Variants in IK observed in about 807,000 individuals in gnomAD.
IK encodes IK cytokine, also known as protein Red.
A neutral mutation model predicts 90.9 loss-of-function variants in IK; 47 were observed. That is an observed-to-expected ratio of 0.52 (90% CI 0.41 to 0.66). The LOEUF (loss-of-function observed/expected upper bound fraction) is 0.66, where lower values mean the gene tolerates loss of function less well. IK is among the 30% of genes least tolerant of loss of function. The pLI, the probability that IK is intolerant of heterozygous loss-of-function variation, is 0.00. For synonymous variants in IK, 201 were observed against 227.5 expected (o/e 0.88, Z 1.05); for missense variants, 385 against 709.3 (o/e 0.54, Z 5.19).
chr5:140,647,991 T>A, intron 1 of IK, 67 bp downstream of exon 1: 2 of 1,495,206 alleles, frequency 1.3e-6, no homozygotes, highest in African/African-American at 1.4e-5. Flanking sequence ...TTATTGTAGC[T>A]TCTGAGCTTA....
chr5:140,656,024 G>A (rs1464077088), intron 9 of IK, 32 bp downstream of exon 9: 2 of 1,548,528 alleles, frequency 1.3e-6, no homozygotes, highest in Non-Finnish European at 1.7e-6. Context: ...AGCCTATCAT[G>A]TGAGCCTCAA....
At chr5:140,656,120 C>G (rs1286686590) in intron 9 of IK, 128 bp downstream of exon 9, 6 of 780,768 alleles carry the variant, frequency 7.7e-6, no homozygotes, top group Non-Finnish European at 1.2e-5. Flanking sequence ...TAAATCTCAA[C>G]TGAATCCATT....
At position 140,654,135 on chromosome 5, in the gene IK, C is replaced by G. The variant is rs1757666710; in HGVS notation, c.519+83C>G. 4.1e-5 allele frequency: 32 copies of G among 783,200 alleles called. No homozygotes were observed. In the Admixed American group the frequency reaches 4.8e-4, roughly 12 times the overall value. 48.5% of individuals were successfully genotyped at this position (783,200 alleles called of 1,614,324 possible). A position where few individuals can be genotyped will look rare whatever the true frequency, so the allele number is the denominator to read the frequency against. On this transcript the variant is annotated intron_variant, in intron 6 of 19. Coordinates refer to ENST00000417647, the MANE Select transcript of IK (RefSeq NM_006083.4). ...GTCTGGCAAGATGAGGAGGGAGATT[C>G]CTGAGAGTTCAGACTGAGTAGAAGA... is the stretch of plus-strand genomic sequence containing the variant.
chr5:140,652,328 A>T (rs1757627507), intron 4 of IK, among the ~76,000 whole-genome samples, 181 bp downstream of exon 4: 1 of 151,996 alleles, frequency 6.6e-6, no homozygotes, highest in Non-Finnish European at 1.5e-5. Flanking sequence ...CTATATTTTA[A>T]TCTCATCTTC....
At position 140,661,070 on chromosome 5, in the gene IK, T is replaced by G; in HGVS notation, c.1413+255T>G. On this transcript the variant is annotated intron_variant, in intron 16 of 19. Coordinates refer to ENST00000417647, the MANE Select transcript of IK (RefSeq NM_006083.4). The surrounding 1 kb of genome is among the most constrained non-coding windows in gnomAD (Gnocchi z 4.2). ...AAGTGCCAGGCTTTGATTCCCATGG[T>G]AGGCAGTAAGCAAGCATCAATGCAT... 1 of 426,574 alleles carries G rather than the reference T, an allele frequency of 2.3e-6. No individual in the cohort carries two copies. Among genetic ancestry groups the G allele is most frequent in the Non-Finnish European group, 4.1e-6 (1 of 242,390 alleles). The allele number at this position is 426,574 out of a possible 1,614,324, so 26.4% of individuals were successfully genotyped here.
chr5:140,661,349 T>C lies in IK; in HGVS notation c.1414-271T>C. The C allele has an allele frequency of 2.4e-6, 1 of 422,676 alleles. No individual in the cohort carries two copies. The highest frequency in any genetic ancestry group is 2.8e-5 in the South Asian group (1 of 36,342). 26.2% of individuals were successfully genotyped at this position (422,676 alleles called of 1,614,324 possible). A position where few individuals can be genotyped will look rare whatever the true frequency, so the allele number is the denominator to read the frequency against. On this transcript the variant is annotated intron_variant, in intron 16 of 19. Transcript: ENST00000417647. This position sits in a 1 kb window ranked among gnomAD's most constrained non-coding sequence, Gnocchi z 4.2. ...GAACTTGCCAAGTTCTTTCACTGTTTATGCCTCAGTTTCCTCATCAGGAAA... is the reference window on the plus strand; with the variant it reads ...GAACTTGCCAAGTTCTTTCACTGTTCATGCCTCAGTTTCCTCATCAGGAAA...
chr5:140,651,710 C>G lies in IK; in HGVS notation c.84-4C>G. ...ATATTTAAAATCTTTGCCTTTTCTT[C>G]TAGATCAAAACTCACCAATGAAGAC... On this transcript the variant is annotated splice_region_variant and splice_polypyrimidine_tract_variant and intron_variant, in intron 2 of 19. Transcript: ENST00000417647. 6.4e-7 allele frequency: 1 copy of G among 1,574,462 alleles called. No homozygotes were observed. Among genetic ancestry groups the G allele is most frequent in the Non-Finnish European group, 8.7e-7 (1 of 1,148,054 alleles).
At chr5:140,656,942 G>A (rs985169827) in intron 9 of IK, among the ~76,000 whole-genome samples, 23 of 152,136 alleles carry the variant, frequency 1.5e-4, no homozygotes, top group African/African-American at 5.3e-4. Context: ...TGGGTGCAGT[G>A]GCTCACACCT....
chr5:140,647,831 A>G lies in IK; in HGVS notation c.-78A>G, dbSNP rs185280379. ...GCAGTGTGGGTTGATTCTGAGGTGC[A>G]CTGTGGGAAAGAGCTTGTCGCTGCG... On this transcript the variant is annotated 5_prime_UTR_variant, in exon 1 of 20. Coordinates refer to ENST00000417647, the MANE Select transcript of IK (RefSeq NM_006083.4). 72 of 1,559,058 alleles carry G rather than the reference A, an allele frequency of 4.6e-5. No individual in the cohort carries two copies. In the Admixed American group the frequency reaches 1.1e-3, roughly 23 times the overall value.
At chr5:140,657,711 G>A (rs1357457269) in intron 10 of IK, 49 bp downstream of exon 10, 1 of 1,271,766 alleles carries the variant, frequency 7.9e-7, no homozygotes, top group South Asian at 1.3e-5. Context: ...GGACGTTTGG[G>A]GATAAAACCA....
At chr5:140,648,281 C>A (rs1333568120) in intron 1 of IK, 190 bp from the exon 2 acceptor site, 2 of 712,494 alleles carry the variant, frequency 2.8e-6, no homozygotes, top group South Asian at 2.9e-5. Flanking sequence ...TCCTCCAGCG[C>A]AGGATTAGGG....
At chr5:140,659,873 C>A in intron 14 of IK, 39 bp downstream of exon 14, 4 of 1,445,706 alleles carry the variant, frequency 2.8e-6, no homozygotes, top group Non-Finnish European at 3.8e-6. Context: ...TTCCAGAGAA[C>A]TGGTCTCTTT....
rs1757619656 is a variant in IK at position 140,651,743 on chromosome 5, AACTTCTCATG to A, written c.116_125del (p.Leu39ProfsTer54). ...AAACTCACCAATGAAGACTTCAGGA[AACTTCTCATG>A]ACCCCCAGGGCTGCACCTACCTCTG... On this transcript the variant is annotated frameshift_variant, in exon 3 of 20. Coordinates refer to ENST00000417647, the MANE Select transcript of IK (RefSeq NM_006083.4). LOFTEE classifies it high-confidence loss of function. The A allele has an allele frequency of 6.2e-7, 1 of 1,611,890 alleles. No homozygotes were observed. The highest frequency in any genetic ancestry group is 1.1e-5 in the South Asian group (1 of 90,966).
At position 140,661,478 on chromosome 5, in the gene IK, G is replaced by A; in HGVS notation, c.1414-142G>A. 1.6e-6 allele frequency: 1 copy of A among 628,400 alleles called. No homozygotes were observed. The highest frequency in any genetic ancestry group is 2.0e-5 in the South Asian group (1 of 50,882). 38.9% of individuals were successfully genotyped at this position (628,400 alleles called of 1,614,324 possible). ...CTGTCACATAGTAAGTATGTAATAA[G>A]CATTTATTATTACTTATCAGGGTAT... On this transcript the variant is annotated intron_variant, in intron 16 of 19. Coordinates refer to ENST00000417647, the MANE Select transcript of IK (RefSeq NM_006083.4). This position sits in a 1 kb window ranked among gnomAD's most constrained non-coding sequence, Gnocchi z 4.2.
chr5:140,648,314 G>A, intron 1 of IK, 157 bp from the exon 2 acceptor site: 1 of 755,432 alleles, frequency 1.3e-6, no homozygotes, highest in South Asian at 1.4e-5. Context: ...TGCTCCCACA[G>A]CTTCTTGTAG....
In IK at chr5:140,648,488, C is replaced by A. The variant is rs1322312376; in HGVS notation, c.34C>A (p.Pro12Thr). ...PERDSEPFSN[P>T]LAPDGHDVDD... The stretch of plus-strand genomic sequence containing the variant: ...TTTGTCAGGTGAGCCGTTCTCCAAC[C>A]CTTTGGCCCCCGATGGCCACGATGT... Residue 12 changes from proline to threonine, a missense_variant, in exon 2 of 20, where the codon CCT becomes ACT. Around this residue, in one of 8 missense-constraint regions of IK, gnomAD observed 42 missense variants for 37.9 expected, o/e 1.11. Coordinates refer to ENST00000417647, the MANE Select transcript of IK (RefSeq NM_006083.4). 3.7e-6 allele frequency: 6 copies of A among 1,613,958 alleles called. No individual in the cohort carries two copies. The highest frequency in any genetic ancestry group is 5.1e-6 in the Non-Finnish European group (6 of 1,179,850).
rs768376234 is a variant in IK at position 140,653,928 on chromosome 5, C to T, written c.405-10C>T. 1 of 1,575,572 alleles carries T rather than the reference C, an allele frequency of 6.3e-7. No individual in the cohort carries two copies. Among genetic ancestry groups the T allele is most frequent in the Admixed American group, 1.7e-5 (1 of 59,524 alleles). On this transcript the variant is annotated splice_polypyrimidine_tract_variant and intron_variant, in intron 5 of 19. Transcript: ENST00000417647. ...AGTACTGTTCTTATGTGGCCTCTTTCATTATACAGGGACAAATCAGCTGCA... is the reference window on the plus strand; with the variant it reads ...AGTACTGTTCTTATGTGGCCTCTTTTATTATACAGGGACAAATCAGCTGCA...
rs770713924 is a variant in IK at position 140,661,022 on chromosome 5, T to C, written c.1413+207T>C. 5 of 479,766 alleles carry C rather than the reference T, an allele frequency of 1.0e-5. No homozygotes were observed. The highest frequency in any genetic ancestry group is 1.5e-5 in the Non-Finnish European group (4 of 271,804). The allele number at this position is 479,766 out of a possible 1,614,324, so 29.7% of individuals were successfully genotyped here. A position where few individuals can be genotyped will look rare whatever the true frequency, so the allele number is the denominator to read the frequency against. On this transcript the variant is annotated intron_variant, in intron 16 of 19. Coordinates refer to ENST00000417647, the MANE Select transcript of IK (RefSeq NM_006083.4). This position sits in a 1 kb window ranked among gnomAD's most constrained non-coding sequence, Gnocchi z 4.2. ...AGATCAAATGACATAGGGTCAAAAA[T>C]CTATTTTTTACTTCCTATAGCAAAG...
At chr5:140,660,292 C>CTTTTGTTTTTTTT (rs1757781559) in intron 15 of IK, 97 bp downstream of exon 15, 1 of 245,104 alleles carries the variant, frequency 4.1e-6, no homozygotes, top group Non-Finnish European at 7.1e-6. Flanking sequence ...AGGGCTACTT[C>CTTTTGTTTTTTTT]TTTTTTTTTT....
Sources: allele counts gnomAD v4.1 joint callset (sites outside exome capture counted in the v4.1 genomes callset), GRCh38; gene constraint gnomAD v4.1.1; regional missense constraint gnomAD v4.1.1; non-coding constraint Gnocchi (gnomAD v3.1); transcripts MANE v1.5; gene names NCBI Gene and HGNC (gene_info 2026-07-23, HGNC 2026-07-21).